KIFC3: variants seen among roughly 807,000 people sequenced by gnomAD.
The protein encoded by KIFC3 is kinesin family member C3.
A neutral mutation model predicts 101.8 loss-of-function variants in KIFC3; 60 were observed. The observed-to-expected ratio is 0.59, with a 90% CI of 0.48 to 0.73. The LOEUF (loss-of-function observed/expected upper bound fraction) is 0.73. Ranked by LOEUF, KIFC3 falls within the 30% of genes least tolerant of loss-of-function variation. KIFC3 has a pLI of 0.00. For missense variants in KIFC3, 966 were observed against 1,137.1 expected (o/e 0.85, Z 2.16); for synonymous variants, 476 against 482.7 (o/e 0.99, Z 0.18).
At chr16:57,848,648 C>T (rs916753998) in intron 1 of KIFC3, among the ~76,000 whole-genome samples, 1 of 152,104 alleles carries the variant, frequency 6.6e-6, no homozygotes, top group South Asian at 2.1e-4. Flanking sequence ...AATTAAAAGA[C>T]GCCCATATGA....
rs1305630896 is a variant in KIFC3, at chr16:57,802,216, T to A, written c.-40+154A>T. ...GGCGCTGGAGGGGACCTCGCAGGGC[T>A]GGGTCTCCCGGGCCTTTCCCTCCCC... On this transcript the variant is annotated intron_variant, in intron 1 of 19. Coordinates refer to ENST00000445690, the MANE Select transcript of KIFC3 (RefSeq NM_001130100.2). This position sits in a 1 kb window ranked among gnomAD's most constrained non-coding sequence, Gnocchi z 5.0. 6.6e-6 allele frequency among the ~76,000 whole-genome samples: 1 copy of A among 152,098 alleles called. No homozygotes were observed. Among genetic ancestry groups the A allele is most frequent in the Non-Finnish European group, 1.5e-5 (1 of 68,000 alleles).
At chr16:57,840,413 G>A (rs1193229285) in intron 1 of KIFC3, among the ~76,000 whole-genome samples, 4 of 151,960 alleles carry the variant, frequency 2.6e-5, no homozygotes, top group Admixed American at 6.6e-5. Flanking sequence ...GGATCCTTGA[G>A]CCCAGGAGTC....
At chr16:57,809,001 T>C (rs1568073343) in intron 1 of KIFC3, among the ~76,000 whole-genome samples, 5 of 152,206 alleles carry the variant, frequency 3.3e-5, no homozygotes. Context: ...TTACTTTGAA[T>C]CATGTAAGTG....
At chr16:57,760,099 CAAG>C (rs2049651833) in intron 17 of KIFC3, 180 bp downstream of exon 17, 1 of 763,022 alleles carries the variant, frequency 1.3e-6, no homozygotes, top group South Asian at 1.8e-5. Flanking sequence ...CCTCCGAGGC[CAAG>C]AAGAAATACC....
chr16:57,759,608 T>C (rs1423016653), intron 18 of KIFC3, 120 bp downstream of exon 18: 9 of 723,384 alleles, frequency 1.2e-5, no homozygotes, highest in Non-Finnish European at 2.1e-5. Context: ...AAACAGGTTC[T>C]GGAGAAGGTG....
At chr16:57,770,260 C>T (rs1555606725) in intron 7 of KIFC3, among the ~76,000 whole-genome samples, 1 of 152,256 alleles carries the variant, frequency 6.6e-6, no homozygotes, top group African/African-American at 2.4e-5. Context: ...TTACTGAGCA[C>T]AGCCTGTGTG....
intron 9 of KIFC3, 105 bp from the exon 10 acceptor site, chr16:57,767,090 T>A: frequency 2.5e-6 from 2 of 806,724 alleles, no homozygotes; most frequent in Non-Finnish European, 4.2e-6. Flanking sequence ...CCTGGCTGAG[T>A]ACCTGACACA....
At chr16:57,853,858 C>A (rs1382992882) in intron 1 of KIFC3, among the ~76,000 whole-genome samples, 6 of 152,252 alleles carry the variant, frequency 3.9e-5, no homozygotes, top group Non-Finnish European at 8.8e-5. Flanking sequence ...GTCTCGAACT[C>A]CTGACCTGAA....
At chr16:57,771,993 G>GTTCA (rs1350010206) in intron 4 of KIFC3, among the ~76,000 whole-genome samples, 2 of 152,042 alleles carry the variant, frequency 1.3e-5, no homozygotes, top group African/African-American at 4.8e-5. Context: ...TTATACCAGG[G>GTTCA]TTCACACTCC....
chr16:57,782,808 T>A (rs887834934), intron 3 of KIFC3, among the ~76,000 whole-genome samples: 1 of 152,176 alleles, frequency 6.6e-6, no homozygotes, highest in Non-Finnish European at 1.5e-5. Flanking sequence ...TAGCCAGGCA[T>A]GGTAGTGAAT....
rs1171182934 is a variant in KIFC3, at chr16:57,798,163, C to A, written c.81G>T (p.Glu27Asp). The A allele has an allele frequency of 3.2e-6, 5 of 1,540,570 alleles. No homozygotes were observed. In the East Asian group the frequency reaches 1.2e-4, roughly 38 times the overall value. Residue 27 changes from glutamate to aspartate, a missense_variant, in exon 2 of 20, where the codon GAG becomes GAT. By Grantham distance (45) the Glu-to-Asp change is conservative (BLOSUM62 2). Coordinates refer to ENST00000445690, the MANE Select transcript of KIFC3 (RefSeq NM_001130100.2). ...RGLWRVGRAP[E>D]PEPGMARPAP... ...CGGGGCGAGCCATCCCCGGCTCGGGCTCCGGGGCCCGGCCCACTCTCCACA... is the reference window on the plus strand; with the variant it reads ...CGGGGCGAGCCATCCCCGGCTCGGGATCCGGGGCCCGGCCCACTCTCCACA...
intron 1 of KIFC3, among the ~76,000 whole-genome samples, chr16:57,844,010 A>G (rs2055864513): frequency 1.3e-5 from 2 of 152,100 alleles, no homozygotes; most frequent in South Asian, 2.1e-4. Context: ...TGGGAGGCTG[A>G]GGCAGGAGAA....
chr16:57,802,923 G>T (rs1189536948), upstream of KIFC3: 3 of 1,497,776 alleles, frequency 2.0e-6, no homozygotes, highest in African/African-American at 2.8e-5. The surrounding 1 kb of genome is among the most constrained non-coding windows in gnomAD (Gnocchi z 5.0). Flanking sequence ...ACCAGTACGT[G>T]TCTTCCCATC....
chr16:57,843,709 C>A (rs2055856530), intron 1 of KIFC3, among the ~76,000 whole-genome samples: 1 of 151,978 alleles, frequency 6.6e-6, no homozygotes, highest in Non-Finnish European at 1.5e-5. Context: ...GGGCAGTTGG[C>A]AGGAGCTTCT....
At chr16:57,833,531 C>T (rs1438912990) in intron 1 of KIFC3, among the ~76,000 whole-genome samples, 1 of 152,150 alleles carries the variant, frequency 6.6e-6, no homozygotes, top group East Asian at 1.9e-4. Context: ...GAAGGTCTTC[C>T]GGCTGCACCC....
chr16:57,764,058 C>CT, intron 12 of KIFC3, 85 bp downstream of exon 12: 1 of 959,764 alleles, frequency 1.0e-6, no homozygotes, highest in Non-Finnish European at 1.7e-6. Context: ...AAAACACACA[C>CT]TGCACAATAC....
chr16:57,770,566 C>T lies in KIFC3; in HGVS notation c.900G>A (p.Leu300=). The change falls in exon 7 of 20, where the codon CTG becomes CTA. Residue 300 remains leucine (L), a synonymous_variant. Coordinates refer to ENST00000445690, the MANE Select transcript of KIFC3 (RefSeq NM_001130100.2). ...GCGCGGTCAGCTGGTGTGAGCTCTG[C>T]AGCTGCTGTTCCATCTCCTTCAGCA... ...RQVLKEMEQQ[L]QSSHQLTARL... The T allele has an allele frequency of 1.3e-6, 2 of 1,504,586 alleles. No individual in the cohort carries two copies. Among genetic ancestry groups the T allele is most frequent in the Non-Finnish European group, 1.8e-6 (2 of 1,126,212 alleles). 93.2% of individuals were successfully genotyped at this position (1,504,586 alleles called of 1,614,324 possible). A position where few individuals can be genotyped will look rare whatever the true frequency, so the allele number is the denominator to read the frequency against.
At chr16:57,837,038 T>G (rs956675613) in intron 1 of KIFC3, among the ~76,000 whole-genome samples, 2 of 152,140 alleles carry the variant, frequency 1.3e-5, no homozygotes, top group Non-Finnish European at 2.9e-5. Context: ...TGCTAGTCAT[T>G]AGAAACCAGT....
chr16:57,817,318 C>T (rs990675196), intron 1 of KIFC3, among the ~76,000 whole-genome samples: 2 of 151,522 alleles, frequency 1.3e-5, no homozygotes, highest in Non-Finnish European at 2.9e-5. Flanking sequence ...GAGATCGCAC[C>T]ATTGCACTCC....
Sources: gnomAD v4.1 joint callset for allele counts (sites outside exome capture counted in the v4.1 genomes callset) on GRCh38, gnomAD v4.1.1 for gene constraint, Gnocchi (gnomAD v3.1) non-coding constraint, MANE v1.5 for transcripts, NCBI Gene and HGNC (gene_info 2026-07-23, HGNC 2026-07-21) for gene names.